TTBK1: variants seen among roughly 807,000 people sequenced by gnomAD.
The protein encoded by TTBK1 is tau-tubulin kinase 1.
In TTBK1, 34 loss-of-function variants were observed where a neutral mutation model predicts 108.5. That is an observed-to-expected ratio of 0.31 (90% CI 0.24 to 0.42). The LOEUF is 0.42. Ranked by LOEUF, TTBK1 falls within the 10% of genes least tolerant of loss-of-function variation. The pLI, the probability that TTBK1 is intolerant of heterozygous loss-of-function variation, is 1.00. For missense variants in TTBK1, 1,539 were observed against 1,826.0 expected (o/e 0.84, Z 2.86); for synonymous variants, 809 against 795.1 (o/e 1.02, Z -0.29).
At chr6:43,262,069 C>T (rs1777555740) in intron 12 of TTBK1, among the ~76,000 whole-genome samples, 1 of 152,100 alleles carries the variant, frequency 6.6e-6, no homozygotes, top group Non-Finnish European at 1.5e-5. Flanking sequence ...GGTAGAAGGA[C>T]AGGCTGTGTG....
chr6:43,277,439 A>G (rs1031048539), intron 13 of TTBK1, among the ~76,000 whole-genome samples: 3 of 152,138 alleles, frequency 2.0e-5, no homozygotes, highest in Non-Finnish European at 4.4e-5. Context: ...CCTCCACCCC[A>G]TCCCCGCACA....
Position 43,246,686 on chromosome 6 carries a change from A to G in TTBK1, c.26A>G (p.Lys9Arg), listed in dbSNP as rs1392930534. 1.2e-6 allele frequency: 2 copies of G among 1,611,206 alleles called. No homozygotes were observed. Among genetic ancestry groups the G allele is most frequent in the East Asian group, 4.5e-5 (2 of 44,638 alleles). The change falls in exon 2 of 15, where the codon AAG becomes AGG. Residue 9 changes from lysine (K) to arginine (R), a missense_variant. Coordinates refer to ENST00000259750, the MANE Select transcript of TTBK1 (RefSeq NM_032538.3). Reference sequence around the variant, plus strand: ...ATGCAGTGCCTAGCGGCCGCCCTTAAGGACGAAACCAACATGAGTGGGGGA... The same window carrying G: ...ATGCAGTGCCTAGCGGCCGCCCTTAGGGACGAAACCAACATGAGTGGGGGA... MQCLAAAL[K>R]DETNMSGGGE... is the part of the protein sequence containing the mutation.
At chr6:43,260,736 G>GT (rs1033875600) in intron 12 of TTBK1, among the ~76,000 whole-genome samples, 5 of 152,164 alleles carry the variant, frequency 3.3e-5, no homozygotes, top group African/African-American at 1.2e-4. Flanking sequence ...AAGCAAACTG[G>GT]TTTGGCTCAC....
rs1171466057 is a variant in TTBK1 at position 43,263,129 on chromosome 6, G to A, written c.1765G>A (p.Ala589Thr). Reference protein sequence around the residue: ...EEGEERRRLGAEPTVRPRGRS... With the variant: ...EEGEERRRLGTEPTVRPRGRS... ...GGGCGAAGAGCGGCGGCGGCTGGGGGCAGAGCCCACCGTCCGGCCCCGGGG... is the reference window on the plus strand; with the variant it reads ...GGGCGAAGAGCGGCGGCGGCTGGGGACAGAGCCCACCGTCCGGCCCCGGGG... The change falls in exon 13 of 15, where the codon GCA becomes ACA. Residue 589 changes from alanine (A) to threonine (T), a missense_variant. Coordinates refer to ENST00000259750, the MANE Select transcript of TTBK1 (RefSeq NM_032538.3). The surrounding 1 kb of genome is among the most constrained non-coding windows in gnomAD (Gnocchi z 4.7). 38 of 1,567,598 alleles carry A rather than the reference G, an allele frequency of 2.4e-5. No homozygotes were observed. The highest frequency in any genetic ancestry group is 3.1e-5 in the Non-Finnish European group (36 of 1,155,278).
In TTBK1 at chr6:43,259,844, G is replaced by C. The variant is rs1057140877; in HGVS notation, c.1424+138G>C. ...CTGAGAGGGTTATACTTGGGCCTGG[G>C]GTCAGACTCAGTTGGGGCCAGAGAC... On this transcript the variant is annotated intron_variant, in intron 12 of 14. Transcript: ENST00000259750. The surrounding 1 kb of genome is among the most constrained non-coding windows in gnomAD (Gnocchi z 6.7). The C allele has an allele frequency of 3.3e-6, 3 of 903,546 alleles. No homozygotes were observed. The Admixed American group carries it at 9.8e-5, about 30-fold the overall frequency. 56.0% of individuals were successfully genotyped at this position (903,546 alleles called of 1,614,324 possible). A position where few individuals can be genotyped will look rare whatever the true frequency, so the allele number is the denominator to read the frequency against.
intron 13 of TTBK1, among the ~76,000 whole-genome samples, chr6:43,281,358 A>G (rs1402000390): frequency 1.3e-5 from 2 of 150,420 alleles, no homozygotes; most frequent in Non-Finnish European, 3.0e-5. Context: ...CCTGGGCGAC[A>G]GAGCAGGGCT....
intron 13 of TTBK1, among the ~76,000 whole-genome samples, chr6:43,280,847 GGGTAGCAAGTTATCAT>G (rs879813875): frequency 0.015 from 2,232 of 152,288 alleles, 23 homozygotes; most frequent in Non-Finnish European, 0.023. Context: ...CTTGAAGGAA[GGGTAGCAAGTTATCAT>G]GTGCAGAGAG....
rs1777290441 is a variant in TTBK1, at chr6:43,253,162, G to C, written c.257-129G>C. 9.3e-7 allele frequency: 1 copy of C among 1,070,708 alleles called. No homozygotes were observed. The highest frequency in any genetic ancestry group is 1.6e-5 in the African/African-American group (1 of 64,076). 66.3% of individuals were successfully genotyped at this position (1,070,708 alleles called of 1,614,324 possible). On this transcript the variant is annotated intron_variant, in intron 3 of 14. Transcript: ENST00000259750. The surrounding 1 kb of genome is among the most constrained non-coding windows in gnomAD (Gnocchi z 5.8). ...ATGATGAGGCTAGGGCCAGGGAGGT[G>C]GCAAGACAGGTGCTCACAGGGCCAG...
intron 13 of TTBK1, among the ~76,000 whole-genome samples, chr6:43,280,574 A>T (rs958652736): frequency 3.3e-5 from 5 of 152,176 alleles, no homozygotes; most frequent in African/African-American, 9.7e-5. Context: ...CTTAGACTAT[A>T]ACATGGTGAC....
In TTBK1 at chr6:43,283,490, C is replaced by T. The variant is rs1778251057; in HGVS notation, c.2750C>T (p.Ala917Val). The T allele has an allele frequency of 5.6e-6, 9 of 1,614,012 alleles. No homozygotes were observed. The highest frequency in any genetic ancestry group is 7.6e-6 in the Non-Finnish European group (9 of 1,179,984). ...GTVTTGVGGV[A>V]VTSSPFTKVE... ...GTGACCACAGGGGTCGGGGGCGTGG[C>T]AGTCACCTCCTCACCCTTCACCAAA... is the stretch of plus-strand genomic sequence containing the variant. Residue 917 changes from alanine (A) to valine (V), a missense_variant, in exon 14 of 15, where the codon GCA (alanine) becomes GTA (valine). This residue lies in a region of TTBK1 where 1,055 missense variants were observed against 1,086.5 expected (regional missense o/e 0.97). Coordinates refer to ENST00000259750, the MANE Select transcript of TTBK1 (RefSeq NM_032538.3). The surrounding 1 kb of genome is among the most constrained non-coding windows in gnomAD (Gnocchi z 8.1).
At chr6:43,272,407 G>A in intron 13 of TTBK1, 3 of 985,432 alleles carry the variant, frequency 3.0e-6, no homozygotes, top group Non-Finnish European at 3.6e-6. Context: ...ACATATTACT[G>A]TTTCCAACGC....
In TTBK1 at chr6:43,254,030, C is replaced by T. The variant is rs75665994; in HGVS notation, c.471+322C>T. On this transcript the variant is annotated intron_variant, in intron 5 of 14. Transcript: ENST00000259750. ...AGGGGCTGGGAAAGGATGGAGGGATCGAGGGAAGGGGACTGAGGGGCTGGG... is the reference window on the plus strand; with the variant it reads ...AGGGGCTGGGAAAGGATGGAGGGATTGAGGGAAGGGGACTGAGGGGCTGGG... 9.4e-3 allele frequency among the ~76,000 whole-genome samples: 1,435 copies of T among 152,164 alleles called. 17 individuals carry two copies. The highest frequency in any genetic ancestry group is 0.033 in the African/African-American group (1,357 of 41,514).
Position 43,282,967 on chromosome 6 carries a change from G to C in TTBK1, c.2227G>C (p.Glu743Gln). ...EEEEEEEEDEEEEEEDEEEEE... is the reference protein window; with the variant it reads ...EEEEEEEEDEQEEEEDEEEEE... Reference sequence around the variant, plus strand: ...AGAGGAGGAGGAGGAGGAAGATGAGGAAGAGGAAGAAGAGGATGAGGAAGA... The same window carrying C: ...AGAGGAGGAGGAGGAGGAAGATGAGCAAGAGGAAGAAGAGGATGAGGAAGA... Residue 743 changes from glutamate (E) to glutamine (Q), a missense_variant, in exon 14 of 15, where the codon GAA (glutamate) becomes CAA (glutamine). Transcript: ENST00000259750. The surrounding 1 kb of genome is among the most constrained non-coding windows in gnomAD (Gnocchi z 5.4). 1 of 1,604,824 alleles carries C rather than the reference G, an allele frequency of 6.2e-7. No homozygotes were observed. The highest frequency in any genetic ancestry group is 8.5e-7 in the Non-Finnish European group (1 of 1,174,828).
At chr6:43,244,024 TC>T (rs1777024970) in intron 1 of TTBK1, among the ~76,000 whole-genome samples, 1 of 152,028 alleles carries the variant, frequency 6.6e-6, no homozygotes, top group Non-Finnish European at 1.5e-5. Flanking sequence ...TTCGGCTGTC[TC>T]CGTAACCTCC....
chr6:43,285,718 T>G lies in TTBK1; in HGVS notation c.*342T>G. The stretch of plus-strand genomic sequence containing the variant: ...CACTTTTCATCGAGGACTCCACTTC[T>G]GGGGACGCCTGGTTCGTTCGCCCAC... On this transcript the variant is annotated 3_prime_UTR_variant, in exon 15 of 15. Coordinates refer to ENST00000259750, the MANE Select transcript of TTBK1 (RefSeq NM_032538.3). This position sits in a 1 kb window ranked among gnomAD's most constrained non-coding sequence, Gnocchi z 4.7. The G allele has an allele frequency of 5.4e-6, 1 of 185,196 alleles. No individual in the cohort carries two copies. The highest frequency in any genetic ancestry group is 1.1e-5 in the Non-Finnish European group (1 of 89,608). The allele number at this position is 185,196 out of a possible 1,614,324, so 11.5% of individuals were successfully genotyped here.
At position 43,269,545 on chromosome 6, in the gene TTBK1, G is replaced by A. The variant is rs1777768924; in HGVS notation, c.1986+6195G>A. On this transcript the variant is annotated intron_variant, in intron 13 of 14. Coordinates refer to ENST00000259750, the MANE Select transcript of TTBK1 (RefSeq NM_032538.3). This position sits in a 1 kb window ranked among gnomAD's most constrained non-coding sequence, Gnocchi z 4.8. Reference sequence around the variant, plus strand: ...CCCCGCCCACTTGCCCGGGACGCCGGCGCCGCAGGGGCTGTGAGCGGTGGG... The same window carrying A: ...CCCCGCCCACTTGCCCGGGACGCCGACGCCGCAGGGGCTGTGAGCGGTGGG... 6.7e-6 allele frequency: 9 copies of A among 1,351,034 alleles called. No homozygotes were observed. The highest frequency in any genetic ancestry group is 8.7e-6 in the Non-Finnish European group (9 of 1,032,206). The allele number at this position is 1,351,034 out of a possible 1,614,324, so 83.7% of individuals were successfully genotyped here.
intron 9 of TTBK1, among the ~76,000 whole-genome samples, chr6:43,256,706 TC>T (rs1777391271): frequency 1.3e-5 from 2 of 151,972 alleles, no homozygotes; most frequent in African/African-American, 4.8e-5. Flanking sequence ...ACCACAGCAC[TC>T]CCGCCTGGGT....
chr6:43,272,202 C>T (rs1777852642), intron 13 of TTBK1: 1 of 985,262 alleles, frequency 1.0e-6, no homozygotes, highest in South Asian at 4.7e-5. Context: ...GGGCAAGGGC[C>T]CCCCCACCCA....
Position 43,246,711 on chromosome 6 carries a change from A to C in TTBK1, c.51A>C (p.Gly17=). The C allele has an allele frequency of 1.2e-6, 2 of 1,611,724 alleles. No homozygotes were observed. Among genetic ancestry groups the C allele is most frequent in the Admixed American group, 3.3e-5 (2 of 59,768 alleles). ...ALKDETNMSG[G]GEQADILPAN... Reference sequence around the variant, plus strand: ...AGGACGAAACCAACATGAGTGGGGGAGGGGAGCAGGCCGACATCCTGCCGG... The same window carrying C: ...AGGACGAAACCAACATGAGTGGGGGCGGGGAGCAGGCCGACATCCTGCCGG... The change falls in exon 2 of 15, where the codon GGA becomes GGC. Residue 17 remains glycine (G), a synonymous_variant. Transcript: ENST00000259750.
Sources: allele counts gnomAD v4.1 joint callset (sites outside exome capture counted in the v4.1 genomes callset), GRCh38; gene constraint gnomAD v4.1.1; regional missense constraint gnomAD v4.1.1; non-coding constraint Gnocchi (gnomAD v3.1); transcripts MANE v1.5; gene names NCBI Gene and HGNC (gene_info 2026-07-23, HGNC 2026-07-21).